The following INSR variants were observed in gnomAD, a reference collection of about 807,000 sequenced individuals.
INSR encodes IR.
In INSR, 67 loss-of-function variants were observed where a neutral mutation model predicts 142.6. That is an observed-to-expected ratio of 0.47 (90% CI 0.39 to 0.58). The LOEUF (loss-of-function observed/expected upper bound fraction) is 0.58, where lower values mean the gene tolerates loss of function less well. INSR is among the 20% of genes least tolerant of loss of function. The pLI, the probability that INSR is intolerant of heterozygous loss-of-function variation, is 0.00. For missense variants in INSR, 1,248 were observed against 1,833.2 expected (o/e 0.68, Z 5.83); for synonymous variants, 756 against 743.1 (o/e 1.02, Z -0.28).
chr19:7,129,792 C>T (rs1800658), intron 14 of INSR, among the ~76,000 whole-genome samples: 123,018 of 152,040 alleles, frequency 0.81, 49,856 homozygotes, highest in Admixed American at 0.88. Context: ...GGCTGGAGTA[C>T]AGTGGCACAA....
chr19:7,166,402 G>A lies in INSR; in HGVS notation c.1613C>T (p.Pro538Leu). ...GTCGAACTCCGTCACATTCTGATAA[G>A]GGCTTTCAAGACAAAACAGCAGAAG... is the stretch of plus-strand genomic sequence containing the variant. Reference protein sequence around the residue: ...LGFMLFYKEAPYQNVTEFDGQ... With the variant: ...LGFMLFYKEALYQNVTEFDGQ... The change falls in exon 8 of 22, where the codon CCT becomes CTT. Residue 538 changes from proline to leucine, a missense_variant and splice_region_variant. Around this residue, in one of 3 missense-constraint regions of INSR, gnomAD observed 1,069 missense variants for 1,654.0 expected, o/e 0.65. Coordinates refer to ENST00000302850, the MANE Select transcript of INSR (RefSeq NM_000208.4). The surrounding 1 kb of genome is among the most constrained non-coding windows in gnomAD (Gnocchi z 4.1). 6.2e-7 allele frequency: 1 copy of A among 1,613,798 alleles called. No individual in the cohort carries two copies. Among genetic ancestry groups the A allele is most frequent in the South Asian group, 1.1e-5 (1 of 91,044 alleles).
At chr19:7,268,907 G>A (rs1173886859) in intron 1 of INSR, among the ~76,000 whole-genome samples, 1 of 151,974 alleles carries the variant, frequency 6.6e-6, no homozygotes, top group Non-Finnish European at 1.5e-5. Flanking sequence ...CCTCCAGGCA[G>A]CCGTCCCTGA....
intron 2 of INSR, among the ~76,000 whole-genome samples, chr19:7,205,968 C>A (rs758061349): frequency 5.9e-5 from 9 of 152,096 alleles, no homozygotes; most frequent in South Asian, 2.1e-4. Context: ...TCAGGTCGAC[C>A]TGAGTTTCGA....
intron 2 of INSR, among the ~76,000 whole-genome samples, chr19:7,236,797 C>T (rs747907742): frequency 2.0e-5 from 3 of 151,998 alleles, no homozygotes; most frequent in Non-Finnish European, 4.4e-5. Flanking sequence ...GAGGCCGAGG[C>T]GGGCGGATCA....
chr19:7,154,464 G>A lies in INSR; in HGVS notation c.2030-1537C>T, dbSNP rs573097373. Reference sequence around the variant, plus strand: ...ACTACAGGCGGCCGCTGCCACGCCCGGCTAATTTGTTGTATTTTTAGTAGA... The same window carrying A: ...ACTACAGGCGGCCGCTGCCACGCCCAGCTAATTTGTTGTATTTTTAGTAGA... On this transcript the variant is annotated intron_variant, in intron 9 of 21. Coordinates refer to ENST00000302850, the MANE Select transcript of INSR (RefSeq NM_000208.4). 1.9e-4 allele frequency among the ~76,000 whole-genome samples: 29 copies of A among 149,494 alleles called. No individual in the cohort carries two copies. In the East Asian group the frequency reaches 5.5e-3, roughly 28 times the overall value.
Position 7,122,763 on chromosome 19 carries a change from C to A in INSR, c.3380G>T (p.Gly1127Val), listed in dbSNP as rs752500268. The A allele has an allele frequency of 8.7e-6, 14 of 1,613,994 alleles. 1 individual carries two copies. Among genetic ancestry groups the A allele is most frequent in the South Asian group, 5.5e-5 (5 of 91,090 alleles). ...CTCTTGAAGGGTAGGGGGAGGGCGG[C>A]CAGGATTATTCTAAAACAGAAACAC... is the stretch of plus-strand genomic sequence containing the variant. Reference protein sequence around the residue: ...SLRPEAENNPGRPPPTLQEMI... With the variant: ...SLRPEAENNPVRPPPTLQEMI... The change falls in exon 19 of 22, where the codon GGC (glycine) becomes GTC (valine). Residue 1127 changes from glycine to valine, a missense_variant. Gly to Val is a moderately radical substitution (Grantham distance 109). Coordinates refer to ENST00000302850, the MANE Select transcript of INSR (RefSeq NM_000208.4).
chr19:7,219,345 A>G (rs1405986822), intron 2 of INSR, among the ~76,000 whole-genome samples: 1 of 152,110 alleles, frequency 6.6e-6, no homozygotes. Flanking sequence ...CATGGAGGGG[A>G]GCTCTGCAGC....
chr19:7,247,511 G>C (rs1219465198), intron 2 of INSR, among the ~76,000 whole-genome samples: 1 of 152,026 alleles, frequency 6.6e-6, no homozygotes, highest in African/African-American at 2.4e-5. Context: ...GGGGTGGAGA[G>C]GTTGAAAAAA....
chr19:7,281,540 G>C (rs1968203805), intron 1 of INSR, among the ~76,000 whole-genome samples: 1 of 151,984 alleles, frequency 6.6e-6, no homozygotes, highest in African/African-American at 2.4e-5. Context: ...AACTAGCCAG[G>C]CATGGTGGTG....
intron 2 of INSR, among the ~76,000 whole-genome samples, chr19:7,228,926 G>A (rs965713071): frequency 6.6e-6 from 1 of 151,994 alleles, no homozygotes; most frequent in Non-Finnish European, 1.5e-5. Flanking sequence ...TGCTGGGTGA[G>A]TGGTTGGAAG....
intron 1 of INSR, among the ~76,000 whole-genome samples, chr19:7,280,145 T>A (rs1248489761): frequency 6.6e-6 from 1 of 151,968 alleles, no homozygotes; most frequent in Non-Finnish European, 1.5e-5. Flanking sequence ...GCGCCTGTAG[T>A]CCCAGCTACT....
intron 17 of INSR, among the ~76,000 whole-genome samples, chr19:7,123,885 T>C (rs1425988764): frequency 1.3e-5 from 2 of 151,822 alleles, no homozygotes; most frequent in Non-Finnish European, 2.9e-5. Flanking sequence ...ATTGTGCCAC[T>C]GCACTCCACT....
intron 2 of INSR, among the ~76,000 whole-genome samples, chr19:7,266,304 C>T (rs879889246): frequency 5.3e-5 from 8 of 151,854 alleles, no homozygotes; most frequent in Admixed American, 5.3e-4. Context: ...TTCTGGAAAG[C>T]AAGCCTAAAG....
intron 13 of INSR, among the ~76,000 whole-genome samples, chr19:7,140,635 A>G (rs567234502): frequency 6.6e-6 from 1 of 152,372 alleles, no homozygotes; most frequent in East Asian, 1.9e-4. Flanking sequence ...GTACTTCCTC[A>G]GTCCCAAGAG....
intron 2 of INSR, among the ~76,000 whole-genome samples, chr19:7,188,900 G>A (rs988635567): frequency 5.3e-5 from 8 of 151,608 alleles, no homozygotes; most frequent in South Asian, 2.1e-4. Context: ...AAAAGGGAGG[G>A]GGGATTGTTA....
At chr19:7,164,502 G>T (rs1973841980) in intron 8 of INSR, among the ~76,000 whole-genome samples, 1 of 151,638 alleles carries the variant, frequency 6.6e-6, no homozygotes, top group Non-Finnish European at 1.5e-5. Context: ...TGGCCAACAT[G>T]GTGAAGCCCC....
At chr19:7,206,026 G>C (rs532928198) in intron 2 of INSR, among the ~76,000 whole-genome samples, 6 of 152,258 alleles carry the variant, frequency 3.9e-5, no homozygotes, top group Non-Finnish European at 1.5e-5. Context: ...TCTGTGCCTC[G>C]GTTTCCCCAT....
chr19:7,294,010 C>A lies in INSR; in HGVS notation c.-119G>T. 2 of 1,057,248 alleles carry A rather than the reference C, an allele frequency of 1.9e-6. No homozygotes were observed. The highest frequency in any genetic ancestry group is 2.3e-6 in the Non-Finnish European group (2 of 864,326). The allele number at this position is 1,057,248 out of a possible 1,614,324, so 65.5% of individuals were successfully genotyped here. On this transcript the variant is annotated 5_prime_UTR_variant, in exon 1 of 22. Coordinates refer to ENST00000302850, the MANE Select transcript of INSR (RefSeq NM_000208.4). ...GCCGCGCGTCCTTCTCTTCCACGCC[C>A]GCGACCCGCGGGCCGCAGCCCCCCT...
chr19:7,194,733 C>G (rs1188074395), intron 2 of INSR, among the ~76,000 whole-genome samples: 1 of 147,458 alleles, frequency 6.8e-6, no homozygotes, highest in African/African-American at 2.5e-5. Flanking sequence ...GTTGGCCAGG[C>G]TGGTCTCAAA....
Sources: gnomAD v4.1 joint callset for allele counts (sites outside exome capture counted in the v4.1 genomes callset) on GRCh38, gnomAD v4.1.1 for gene constraint, gnomAD v4.1.1 regional missense constraint, Gnocchi (gnomAD v3.1) non-coding constraint, MANE v1.5 for transcripts, NCBI Gene and HGNC (gene_info 2026-07-23, HGNC 2026-07-21) for gene names.